Variants in CELF1 observed in about 807,000 individuals in gnomAD.
The protein encoded by CELF1 is 50 kDa nuclear polyadenylated RNA-binding protein.
In CELF1, 10 loss-of-function variants were observed where a neutral mutation model predicts 61.8. The observed-to-expected ratio is 0.16, with a 90% CI of 0.10 to 0.27. The LOEUF (loss-of-function observed/expected upper bound fraction) is 0.27, where lower values mean the gene tolerates loss of function less well. Among genes scored for constraint, CELF1 ranks in the 10% least tolerant of loss-of-function variants. The probability of loss-of-function intolerance (pLI) is 1.00; values close to 1 mark genes in which losing one functional copy is unlikely to be tolerated. For synonymous variants in CELF1, 236 were observed against 225.1 expected, an observed-to-expected ratio of 1.05 and a Z score of -0.43; for missense variants, 380 against 639.1, an observed-to-expected ratio of 0.59 and a Z score of 4.37.
In CELF1 at chr11:47,542,943, G is replaced by T. The variant is rs144494917; in HGVS notation, c.-154+10049C>A. Reference sequence around the variant, plus strand: ...AGGACAGGTGTTCAAGACTAGGAGAGATCCCGTCTCTACAAATACTACAAA... The same window carrying T: ...AGGACAGGTGTTCAAGACTAGGAGATATCCCGTCTCTACAAATACTACAAA... On this transcript the variant is annotated intron_variant, in intron 1 of 14. Coordinates refer to ENST00000687097, the MANE Select transcript of CELF1 (RefSeq NM_001376376.1). 6.6e-4 allele frequency among the ~76,000 whole-genome samples: 100 copies of T among 152,180 alleles called. 1 individual carries two copies. The highest frequency in any genetic ancestry group is 2.4e-3 in the African/African-American group (98 of 41,558).
At chr11:47,539,857 G>T (rs772273278) in intron 1 of CELF1, among the ~76,000 whole-genome samples, 31 of 152,198 alleles carry the variant, frequency 2.0e-4, no homozygotes, top group Non-Finnish European at 4.0e-4. Context: ...CCTCCCTACG[G>T]AATGACCTTC....
rs2087881647 is a variant in CELF1 at position 47,487,130 on chromosome 11, T to C, written c.342+29A>G. On this transcript the variant is annotated intron_variant, in intron 5 of 14. Transcript: ENST00000687097. ...TATCCCACATATCAAAGTTACCACATTTCCATTTACTAGTGGGAGCTTTCT... is the reference window on the plus strand; with the variant it reads ...TATCCCACATATCAAAGTTACCACACTTCCATTTACTAGTGGGAGCTTTCT... 4 of 1,543,676 alleles carry C rather than the reference T, an allele frequency of 2.6e-6. No homozygotes were observed. In the Admixed American group the frequency reaches 5.1e-5, roughly 20 times the overall value.
intron 1 of CELF1, among the ~76,000 whole-genome samples, chr11:47,504,902 CAAAAAAAA>C (rs374401044): frequency 2.8e-5 from 3 of 107,922 alleles, no homozygotes; most frequent in African/African-American, 1.1e-4. Context: ...ACTCTGTCAC[CAAAAAAAA>C]AAAAAAAAAA....
chr11:47,508,304 AAC>A (rs1254183789), intron 1 of CELF1, among the ~76,000 whole-genome samples: 10 of 152,292 alleles, frequency 6.6e-5, no homozygotes, highest in South Asian at 2.1e-4. Context: ...TTTTATGTGG[AAC>A]ACAGTTTGAA....
chr11:47,525,365 T>TTC (rs1191043383), intron 1 of CELF1, among the ~76,000 whole-genome samples: 1 of 152,264 alleles, frequency 6.6e-6, no homozygotes, highest in Admixed American at 6.5e-5. Flanking sequence ...TGTGAAAAGC[T>TTC]TAATTGCTGA....
At chr11:47,516,855 A>G (rs947387449) in intron 1 of CELF1, among the ~76,000 whole-genome samples, 1 of 152,072 alleles carries the variant, frequency 6.6e-6, no homozygotes, top group African/African-American at 2.4e-5. Flanking sequence ...CACTTGCCTC[A>G]GTGTCCCCAA....
At chr11:47,550,327 TC>T (rs1256442741) in intron 1 of CELF1, among the ~76,000 whole-genome samples, 2 of 151,742 alleles carry the variant, frequency 1.3e-5, no homozygotes, top group East Asian at 3.9e-4. Context: ...GGTCAGGAGT[TC>T]TAGATCGGCC....
intron 11 of CELF1, 50 bp from the exon 12 acceptor site, chr11:47,477,009 C>A: frequency 6.9e-7 from 1 of 1,443,740 alleles, no homozygotes; most frequent in Non-Finnish European, 9.7e-7. Flanking sequence ...GCATTCTCGC[C>A]AAATACAAGA....
intron 14 of CELF1, among the ~76,000 whole-genome samples, chr11:47,472,759 G>T (rs2078223530): frequency 6.6e-6 from 1 of 152,060 alleles, no homozygotes; most frequent in African/African-American, 2.4e-5. Context: ...TGCTCAGGCT[G>T]GTCTCGAACT....
intron 9 of CELF1, among the ~76,000 whole-genome samples, chr11:47,481,930 C>T (rs1477637168): frequency 6.6e-6 from 1 of 152,190 alleles, no homozygotes; most frequent in Non-Finnish European, 1.5e-5. Context: ...CCGCCAGGCG[C>T]AGTGGCTCAC....
rs1446665803 is a variant in CELF1 at position 47,484,674 on chromosome 11, CAT to C, written c.392-153_392-152del. On this transcript the variant is annotated intron_variant, in intron 6 of 14. Transcript: ENST00000687097. ...ACACATTTGTTTTTTGTATTTTTCA[CAT>C]CTCTTTTTTTCTTGTTTTTGAGATG... is the stretch of plus-strand genomic sequence containing the variant. 3.4e-5 allele frequency: 22 copies of C among 647,570 alleles called. No individual in the cohort carries two copies. In the African/African-American group the frequency reaches 4.0e-4, roughly 12 times the overall value. 40.1% of individuals were successfully genotyped at this position (647,570 alleles called of 1,614,324 possible).
intron 1 of CELF1, among the ~76,000 whole-genome samples, chr11:47,528,988 C>A (rs1755383679): frequency 6.6e-6 from 1 of 152,090 alleles, no homozygotes; most frequent in Admixed American, 6.6e-5. Context: ...GCAGCCTCAA[C>A]CTCCTGGGCT....
Position 47,548,230 on chromosome 11 carries a change from CAG to C in CELF1, c.-154+4760_-154+4761del, listed in dbSNP as rs560735353. ...AGGAGAATCGCTTGAACCAGGGCGA[CAG>C]AGATTGCAGTGAGCCAAGATCGAGT... On this transcript the variant is annotated intron_variant, in intron 1 of 14. Coordinates refer to ENST00000687097, the MANE Select transcript of CELF1 (RefSeq NM_001376376.1). 2.0e-3 allele frequency among the ~76,000 whole-genome samples: 304 copies of C among 152,098 alleles called. 10 individuals carry two copies. In the South Asian group the frequency reaches 0.061, roughly 31 times the overall value.
At position 47,468,531 on chromosome 11, in the gene CELF1, T is replaced by C. The variant is rs2077047967; in HGVS notation, c.*3699A>G. On this transcript the variant is annotated 3_prime_UTR_variant, in exon 15 of 15. Transcript: ENST00000687097. ...ACAAACACCACGCGGTATGTGCTAG[T>C]AGGGCTGCTCTGAAGACAATTACAA... 6.6e-6 allele frequency: 1 copy of C among 152,574 alleles called. No individual in the cohort carries two copies. Among genetic ancestry groups the C allele is most frequent in the African/African-American group, 2.4e-5 (1 of 41,442 alleles). The allele number at this position is 152,574 out of a possible 1,614,324, so 9.5% of individuals were successfully genotyped here.
chr11:47,525,338 C>T (rs1446524517), intron 1 of CELF1, among the ~76,000 whole-genome samples: 1 of 152,192 alleles, frequency 6.6e-6, no homozygotes, highest in Non-Finnish European at 1.5e-5. Context: ...CATTTAGATT[C>T]ACTTCAATGT....
intron 1 of CELF1, among the ~76,000 whole-genome samples, chr11:47,517,260 G>GAAAA (rs57071560): frequency 1.3e-5 from 1 of 77,022 alleles, no homozygotes. Context: ...AACAAACAGA[G>GAAAA]AAAAAAAAAA....
intron 1 of CELF1, among the ~76,000 whole-genome samples, chr11:47,528,527 G>A (rs1037507587): frequency 2.0e-5 from 3 of 152,072 alleles, no homozygotes; most frequent in African/African-American, 7.2e-5. Flanking sequence ...GAGGTGGGAG[G>A]ACTGTTCATT....
chr11:47,561,271 A>G (rs1466695711), intron 2 of CELF1, among the ~76,000 whole-genome samples: 1 of 147,704 alleles, frequency 6.8e-6, no homozygotes, highest in African/African-American at 2.5e-5. Context: ...GGAGAAACCC[A>G]TCTCTACTAA....
intron 1 of CELF1, among the ~76,000 whole-genome samples, chr11:47,552,787 G>GA (rs1256924643): frequency 6.6e-6 from 1 of 152,172 alleles, no homozygotes; most frequent in Non-Finnish European, 1.5e-5. Flanking sequence ...GGGCAAACGC[G>GA]ACAGGACCCG....
Sources: allele counts gnomAD v4.1 joint callset (sites outside exome capture counted in the v4.1 genomes callset), GRCh38; gene constraint gnomAD v4.1.1; transcripts MANE v1.5; gene names NCBI Gene and HGNC (gene_info 2026-07-23, HGNC 2026-07-21).